The following EP400 variants were observed in gnomAD, a reference collection of about 807,000 sequenced individuals.
EP400 encodes the protein E1A binding protein p400.
EP400 carries 105 observed loss-of-function variants against 354.1 expected under a neutral mutation model. The observed-to-expected ratio is 0.30, with a 90% CI of 0.25 to 0.35. The LOEUF (loss-of-function observed/expected upper bound fraction) is 0.35. Ranked by LOEUF, EP400 falls within the 10% of genes least tolerant of loss-of-function variation. EP400 has a pLI of 1.00. For synonymous variants in EP400, 1,646 were observed against 1,716.9 expected, an observed-to-expected ratio of 0.96 and a Z score of 1.02; for missense variants, 3,280 against 4,121.0, an observed-to-expected ratio of 0.80 and a Z score of 5.59.
rs927130412 is a variant in EP400 at position 132,031,137 on chromosome 12, C to T, written c.5755-816C>T. On this transcript the variant is annotated intron_variant, in intron 29 of 52. Transcript: ENST00000389561. Reference sequence around the variant, plus strand: ...TAGGTTTCGTTTCTGGCACAGAAATCGTTATGGAAGAAAAGTATTCAAGTC... The same window carrying T: ...TAGGTTTCGTTTCTGGCACAGAAATTGTTATGGAAGAAAAGTATTCAAGTC... 11 of 441,996 alleles carry T rather than the reference C, an allele frequency of 2.5e-5. 1 individual carries two copies. Among genetic ancestry groups the T allele is most frequent in the Middle Eastern group, 3.7e-4 (1 of 2,736 alleles). The allele number at this position is 441,996 out of a possible 1,614,324, so 27.4% of individuals were successfully genotyped here. A position where few individuals can be genotyped will look rare whatever the true frequency, so the allele number is the denominator to read the frequency against.
chr12:132,061,747 C>T (rs768943912), intron 45 of EP400, among the ~76,000 whole-genome samples: 1 of 152,210 alleles, frequency 6.6e-6, no homozygotes, highest in Non-Finnish European at 1.5e-5. Flanking sequence ...AGAGCCAGGA[C>T]TGTGGGCTGT....
chr12:132,066,720 A>C, intron 48 of EP400, 54 bp from the exon 49 acceptor site: 2 of 1,534,666 alleles, frequency 1.3e-6, no homozygotes, highest in Non-Finnish European at 1.8e-6. Flanking sequence ...GTATTTGGAA[A>C]GACATACCGT....
At chr12:131,989,816 C>T in intron 7 of EP400, 148 bp from the exon 8 acceptor site, 1 of 838,198 alleles carries the variant, frequency 1.2e-6, no homozygotes, top group Non-Finnish European at 1.8e-6. Flanking sequence ...CATGTTTCTC[C>T]TAATCCACCC....
At chr12:132,060,983 C>G (rs1216285266) in intron 45 of EP400, among the ~76,000 whole-genome samples, 1 of 151,144 alleles carries the variant, frequency 6.6e-6, no homozygotes, top group East Asian at 1.9e-4. Flanking sequence ...ACATTTTCAA[C>G]TTTGGACCTT....
intron 38 of EP400, 37 bp from the exon 39 acceptor site, chr12:132,045,690 T>G (rs201856521): frequency 6.2e-7 from 1 of 1,611,458 alleles, no homozygotes; most frequent in African/African-American, 1.3e-5. Context: ...TGACTTAGAG[T>G]GTATTCACCT....
At chr12:132,041,044 G>C (rs1010754817) in intron 32 of EP400, among the ~76,000 whole-genome samples, 1 of 152,204 alleles carries the variant, frequency 6.6e-6, no homozygotes, top group African/African-American at 2.4e-5. Context: ...AGGACTTGCT[G>C]CAGTGGGTGT....
rs1010810992 is a variant in EP400 at position 131,994,335 on chromosome 12, G to C, written c.2738-532G>C. Among the ~76,000 whole-genome samples the C allele has an allele frequency of 6.6e-6, 1 of 152,236 alleles. No individual in the cohort carries two copies. The highest frequency in any genetic ancestry group is 1.5e-5 in the Non-Finnish European group (1 of 68,046). On this transcript the variant is annotated intron_variant, in intron 11 of 52. Coordinates refer to ENST00000389561, the MANE Select transcript of EP400 (RefSeq NM_015409.5). The surrounding 1 kb of genome is among the most constrained non-coding windows in gnomAD (Gnocchi z 4.6). ...GGTGGGGAGAGGGTCCGTGGACAGA[G>C]GGAGTTTGGCTGTGGGGATGCTGGT...
intron 24 of EP400, among the ~76,000 whole-genome samples, 170 bp downstream of exon 24, chr12:132,024,111 C>T (rs961393046): frequency 3.3e-5 from 5 of 152,280 alleles, no homozygotes; most frequent in Non-Finnish European, 5.9e-5. Context: ...TGACGTTCAT[C>T]AGCCACCGGG....
chr12:132,063,261 C>T (rs1203928860), intron 47 of EP400, among the ~76,000 whole-genome samples: 2 of 152,182 alleles, frequency 1.3e-5, no homozygotes, highest in African/African-American at 2.4e-5. Flanking sequence ...GCCTATAATC[C>T]CAGCACTTTG....
At chr12:131,979,659 T>G in intron 2 of EP400, 35 bp from the exon 3 acceptor site, 1 of 1,582,314 alleles carries the variant, frequency 6.3e-7, no homozygotes, top group South Asian at 1.2e-5. Flanking sequence ...TGGCCTTCAG[T>G]GATCAAAATC....
At chr12:132,058,197 ATGT>A (rs1428371186) in intron 45 of EP400, among the ~76,000 whole-genome samples, 3 of 152,110 alleles carry the variant, frequency 2.0e-5, no homozygotes, top group Non-Finnish European at 4.4e-5. Context: ...GGAGAATGGC[ATGT>A]TGTTCTGTTT....
At chr12:131,979,485 CT>C (rs1892605222) in intron 2 of EP400, among the ~76,000 whole-genome samples, 1 of 151,984 alleles carries the variant, frequency 6.6e-6, no homozygotes, top group African/African-American at 2.4e-5. Flanking sequence ...TTTTACAAGT[CT>C]TTTTTCCCCC....
chr12:132,022,905 C>T (rs1894167836), intron 23 of EP400, among the ~76,000 whole-genome samples: 1 of 151,738 alleles, frequency 6.6e-6, no homozygotes, highest in Non-Finnish European at 1.5e-5. Flanking sequence ...CTGCTACTGC[C>T]CTCCAGCTTG....
chr12:131,992,800 G>A (rs1292741068), intron 11 of EP400, among the ~76,000 whole-genome samples: 1 of 152,314 alleles, frequency 6.6e-6, no homozygotes, highest in South Asian at 2.1e-4. Flanking sequence ...TTTCTTGGGC[G>A]TTTGTGTGGC....
In EP400 at chr12:131,982,118, C is replaced by T. The variant is rs745683784; in HGVS notation, c.1569C>T (p.Ala523=). Residue 523 remains alanine (A), a synonymous_variant, in exon 5 of 53, where the codon GCC becomes GCT. Transcript: ENST00000389561. Reference sequence around the variant, plus strand: ...GAGGAATGCCCCCCACGCCGCAGGCCGCGCAGCTCGCTGGACAGAGGCAGA... The same window carrying T: ...GAGGAATGCCCCCCACGCCGCAGGCTGCGCAGCTCGCTGGACAGAGGCAGA... ...AQGGMPPTPQ[A]AQLAGQRQSQ... is the part of the protein sequence containing the mutation. The T allele has an allele frequency of 3.3e-5, 51 of 1,538,898 alleles. No individual in the cohort carries two copies. The highest frequency in any genetic ancestry group is 8.5e-5 in the South Asian group (7 of 82,588).
chr12:132,062,553 AGCAGCAGCAGCAGCAGCAGCAGCAG>A lies in EP400; in HGVS notation c.8187_8211del (p.Gln2729HisfsTer40), dbSNP rs2136606830. ...CAGCAGCAGCAGCAGCAACAACAGC[AGCAGCAGCAGCAGCAGCAGCAGCAG>A]CAGCAGCAGCAGCAACAGCAGCAGC... On this transcript the variant is annotated frameshift_variant, in exon 47 of 53. Transcript: ENST00000389561. LOFTEE classifies it high-confidence loss of function. 1.4e-5 allele frequency: 21 copies of A among 1,552,362 alleles called. No homozygotes were observed. Among genetic ancestry groups the A allele is most frequent in the South Asian group, 5.7e-5 (5 of 87,980 alleles).
At chr12:131,979,598 A>AATAAC in intron 2 of EP400, 96 bp from the exon 3 acceptor site, 1 of 1,035,084 alleles carries the variant, frequency 9.7e-7, no homozygotes, top group Non-Finnish European at 1.4e-6. Context: ...ATTAGAAAGG[A>AATAAC]AGGAGGTCGA....
intron 51 of EP400, 82 bp from the exon 52 acceptor site, chr12:132,076,434 G>C (rs916316764): frequency 5.7e-6 from 8 of 1,392,444 alleles, no homozygotes; most frequent in Non-Finnish European, 8.0e-6. Context: ...TGCATTAACT[G>C]AGGACAGAAA....
chr12:132,037,846 G>C, intron 31 of EP400, 53 bp downstream of exon 31: 1 of 1,612,430 alleles, frequency 6.2e-7, no homozygotes, highest in Non-Finnish European at 8.5e-7. Context: ...GCGGCGCGTG[G>C]AATCGCATGG....
Sources: gnomAD v4.1 joint callset for allele counts (sites outside exome capture counted in the v4.1 genomes callset) on GRCh38, gnomAD v4.1.1 for gene constraint, Gnocchi (gnomAD v3.1) non-coding constraint, MANE v1.5 for transcripts, NCBI Gene and HGNC (gene_info 2026-07-23, HGNC 2026-07-21) for gene names.